The following DLG2 variants were observed in gnomAD, a reference collection of about 807,000 sequenced individuals.
DLG2 encodes discs large MAGUK scaffold protein 2, also known as disks large homolog 2.
A neutral mutation model predicts 132.5 loss-of-function variants in DLG2; 45 were observed. The ratio of observed to expected loss-of-function variants is 0.34; its 90% CI spans 0.27 to 0.44. The LOEUF is 0.44. DLG2 is among the 20% of genes least tolerant of loss of function. The pLI, the probability that DLG2 is intolerant of heterozygous loss-of-function variation, is 1.00. For synonymous variants in DLG2, 424 were observed against 419.6 expected (o/e 1.01, Z -0.13); for missense variants, 1,045 against 1,196.9 (o/e 0.87, Z 1.87).
intron 3 of DLG2, among the ~76,000 whole-genome samples, chr11:85,445,610 G>A (rs938922307): frequency 4.6e-5 from 7 of 152,180 alleles, no homozygotes; most frequent in Admixed American, 4.6e-4. Context: ...AACCTGGGAG[G>A]TGGAGGTTGC....
rs893689349 is a variant in DLG2, at chr11:83,467,019, C to T, written c.2620-202G>A. 3.3e-5 allele frequency among the ~76,000 whole-genome samples: 5 copies of T among 152,278 alleles called. No homozygotes were observed. The South Asian group carries it at 8.3e-4, about 25-fold the overall frequency. Reference sequence around the variant, plus strand: ...GTTTACAATAACTAATACTAACTAGCCCCTTACAAAGTGTCTGCTACTGGA... The same window carrying T: ...GTTTACAATAACTAATACTAACTAGTCCCTTACAAAGTGTCTGCTACTGGA... On this transcript the variant is annotated intron_variant, in intron 25 of 27. Coordinates refer to ENST00000376104, the MANE Select transcript of DLG2 (RefSeq NM_001142699.3).
At chr11:85,391,527 A>C (rs962600593) in intron 3 of DLG2, among the ~76,000 whole-genome samples, 12 of 152,132 alleles carry the variant, frequency 7.9e-5, no homozygotes, top group African/African-American at 2.9e-4. Flanking sequence ...ACATAAATGC[A>C]AAAATCCTCA....
chr11:84,981,417 G>A lies in DLG2; in HGVS notation c.357+130244C>T, dbSNP rs529767943. Among the ~76,000 whole-genome samples, 53 of 152,228 alleles carry A rather than the reference G, an allele frequency of 3.5e-4. 1 individual carries two copies. Among genetic ancestry groups the A allele is most frequent in the South Asian group, 8.3e-4 (4 of 4,822 alleles). On this transcript the variant is annotated intron_variant, in intron 6 of 27. Transcript: ENST00000376104. ...GAGGGGCTATAGGAAGCAGTGTTGA[G>A]TAACTCTAAGCAGATCTGGCACTGT... is the stretch of plus-strand genomic sequence containing the variant.
intron 6 of DLG2, among the ~76,000 whole-genome samples, chr11:85,086,214 C>T (rs2067902192): frequency 1.3e-5 from 2 of 152,078 alleles, no homozygotes; most frequent in Admixed American, 1.3e-4. Flanking sequence ...GTCTGGAAGC[C>T]ATCCATCATA....
intron 7 of DLG2, among the ~76,000 whole-genome samples, chr11:84,263,408 T>C (rs1377912032): frequency 6.6e-6 from 1 of 152,214 alleles, no homozygotes; most frequent in African/African-American, 2.4e-5. Context: ...TGAAGCATAA[T>C]GTCCTGTATG....
At chr11:83,729,240 C>G (rs1197658778) in intron 18 of DLG2, among the ~76,000 whole-genome samples, 1 of 152,154 alleles carries the variant, frequency 6.6e-6, no homozygotes, top group Non-Finnish European at 1.5e-5. Flanking sequence ...GCAAATGACT[C>G]TAAATACAAC....
intron 6 of DLG2, among the ~76,000 whole-genome samples, chr11:84,969,480 C>CT (rs1368618330): frequency 6.6e-6 from 1 of 152,084 alleles, no homozygotes; most frequent in Non-Finnish European, 1.5e-5. Context: ...AGAGAAAAAT[C>CT]TTTTTTGGAA....
At chr11:85,172,154 G>T (rs2078921691) in intron 4 of DLG2, among the ~76,000 whole-genome samples, 1 of 152,166 alleles carries the variant, frequency 6.6e-6, no homozygotes, top group Non-Finnish European at 1.5e-5. Context: ...CTCCGGACTG[G>T]GTGAGTCCTC....
intron 6 of DLG2, among the ~76,000 whole-genome samples, chr11:84,635,224 ACTGGGCAT>A (rs1372403103): frequency 6.6e-6 from 1 of 152,222 alleles, no homozygotes; most frequent in East Asian, 1.9e-4. Flanking sequence ...GACCAGCTCC[ACTGGGCAT>A]CTGTTGGCAG....
chr11:85,450,058 C>T (rs2092178062), intron 3 of DLG2, among the ~76,000 whole-genome samples: 1 of 152,002 alleles, frequency 6.6e-6, no homozygotes, highest in African/African-American at 2.4e-5. Context: ...ACCCAGGAGG[C>T]AGAGGTTGCA....
intron 8 of DLG2, among the ~76,000 whole-genome samples, chr11:84,190,824 T>A (rs150699746): frequency 0.011 from 1,730 of 152,226 alleles, 36 homozygotes; most frequent in African/African-American, 0.036. Context: ...CCTTGTCAAT[T>A]GGTAAGTTTC....
At chr11:83,884,845 G>A (rs898023192) in intron 15 of DLG2, among the ~76,000 whole-genome samples, 1 of 152,196 alleles carries the variant, frequency 6.6e-6, no homozygotes, top group Admixed American at 6.5e-5. Context: ...AGGGTCTGGA[G>A]TGGACCTCTA....
At chr11:85,032,976 G>T (rs955739801) in intron 6 of DLG2, among the ~76,000 whole-genome samples, 12 of 152,172 alleles carry the variant, frequency 7.9e-5, no homozygotes, top group Admixed American at 2.6e-4. Context: ...AGTGAGACAA[G>T]AAAACGTCCT....
chr11:83,996,407 G>C (rs1251807398), intron 11 of DLG2, among the ~76,000 whole-genome samples: 1 of 152,186 alleles, frequency 6.6e-6, no homozygotes, highest in Non-Finnish European at 1.5e-5. Flanking sequence ...ATGGAGAACA[G>C]TTTGGACATT....
In DLG2 at chr11:83,857,986, A is replaced by G. The variant is rs145644270; in HGVS notation, c.1565+16434T>C. On this transcript the variant is annotated intron_variant, in intron 16 of 27. Coordinates refer to ENST00000376104, the MANE Select transcript of DLG2 (RefSeq NM_001142699.3). ...ATTATGGAATGAAAACCTAAAAGAC[A>G]TCTAAATCTCAGTGCGAACAAGTTG... Among the ~76,000 whole-genome samples, 46 of 152,368 alleles carry G rather than the reference A, an allele frequency of 3.0e-4. No individual in the cohort carries two copies. The East Asian group carries it at 7.9e-3, about 26-fold the overall frequency.
At chr11:85,378,220 A>T (rs1028294786) in intron 3 of DLG2, among the ~76,000 whole-genome samples, 4 of 152,188 alleles carry the variant, frequency 2.6e-5, no homozygotes, top group Admixed American at 2.0e-4. Context: ...TAATTTTCAC[A>T]TCTTGAACAT....
At chr11:83,929,711 G>C (rs1273472782) in intron 15 of DLG2, among the ~76,000 whole-genome samples, 1 of 152,056 alleles carries the variant, frequency 6.6e-6, no homozygotes. Context: ...AATAGGCTGG[G>C]AGCAGTTAAA....
intron 6 of DLG2, among the ~76,000 whole-genome samples, chr11:84,786,934 C>T (rs1376842495): frequency 2.0e-5 from 3 of 152,034 alleles, no homozygotes; most frequent in East Asian, 1.9e-4. Flanking sequence ...TGCACTGCTC[C>T]GGCTTTTGAA....
intron 8 of DLG2, among the ~76,000 whole-genome samples, chr11:84,227,923 A>G (rs1057361459): frequency 4.2e-4 from 63 of 151,778 alleles, no homozygotes; most frequent in African/African-American, 1.5e-3. Flanking sequence ...CAAAAAAAAA[A>G]AAAAAAAAAT....
Sources: allele counts gnomAD v4.1 joint callset (sites outside exome capture counted in the v4.1 genomes callset), GRCh38; gene constraint gnomAD v4.1.1; transcripts MANE v1.5; gene names NCBI Gene and HGNC (gene_info 2026-07-23, HGNC 2026-07-21).